The following STX18 variants were observed in gnomAD, a reference collection of about 807,000 sequenced individuals.
The protein encoded by STX18 is syntaxin-18.
A neutral mutation model predicts 50.1 loss-of-function variants in STX18; 40 were observed. The observed-to-expected ratio is 0.80, with a 90% CI of 0.62 to 1.04. The LOEUF (loss-of-function observed/expected upper bound fraction) is 1.04, where lower values mean the gene tolerates loss of function less well. Among genes scored for constraint, STX18 ranks in the 50% least tolerant of loss-of-function variants. STX18 has a pLI of 0.00. For synonymous variants in STX18, 158 were observed against 151.8 expected, an observed-to-expected ratio of 1.04 and a Z score of -0.30; for missense variants, 410 against 415.8, an observed-to-expected ratio of 0.99 and a Z score of 0.12.
intron 5 of STX18, among the ~76,000 whole-genome samples, chr4:4,455,072 TCA>T (rs1444617230): frequency 4.6e-5 from 7 of 152,200 alleles, no homozygotes; most frequent in Non-Finnish European, 8.8e-5. Flanking sequence ...CTGCTCAAAG[TCA>T]CACAGTTTGA....
At chr4:4,460,512 TAA>T (rs893159419) in intron 2 of STX18, among the ~76,000 whole-genome samples, 3 of 151,326 alleles carry the variant, frequency 2.0e-5, no homozygotes, top group Non-Finnish European at 4.4e-5. Flanking sequence ...AAGAAAGGGG[TAA>T]GATGAGCACG....
intron 3 of STX18, 34 bp from the exon 4 acceptor site, chr4:4,457,534 C>T: frequency 3.9e-6 from 6 of 1,531,236 alleles, no homozygotes; most frequent in Non-Finnish European, 5.4e-6. Flanking sequence ...CAGGCCTTCG[C>T]ACTCAATTAT....
intron 1 of STX18, among the ~76,000 whole-genome samples, chr4:4,539,061 G>A (rs993726673): frequency 6.6e-6 from 1 of 152,058 alleles, no homozygotes; most frequent in African/African-American, 2.4e-5. Context: ...GGAAGGTAGG[G>A]ACTGCAATAA....
In STX18 at chr4:4,425,168, C is replaced by G; in HGVS notation, c.757G>C (p.Val253Leu). 1 of 1,614,042 alleles carries G rather than the reference C, an allele frequency of 6.2e-7. No homozygotes were observed. The part of the protein sequence containing the change: ...IGEMNSLFDE[V>L]RQIEGRVVEI... The stretch of plus-strand genomic sequence containing the variant: ...ACAGAGGAGCTACAAACATACCTCA[C>G]TTCATCAAACAAGCTGTTCATTTCA... Residue 253 changes from valine to leucine, a missense_variant, in exon 8 of 11, where the codon GTG (valine) becomes CTG (leucine). Transcript: ENST00000306200.
intron 1 of STX18, among the ~76,000 whole-genome samples, chr4:4,527,867 C>CATATATATAT (rs1553851958): frequency 5.1e-5 from 7 of 137,204 alleles, no homozygotes; most frequent in African/African-American, 1.8e-4. Context: ...CACACACACA[C>CATATATATAT]ATATATATAT....
At chr4:4,486,980 T>C (rs1309455593) in intron 1 of STX18, among the ~76,000 whole-genome samples, 1 of 152,194 alleles carries the variant, frequency 6.6e-6, no homozygotes, top group Admixed American at 6.5e-5. Context: ...ACAAAAGCTA[T>C]GAATCTGATC....
intron 1 of STX18, among the ~76,000 whole-genome samples, chr4:4,502,746 A>T (rs1407943974): frequency 6.6e-6 from 1 of 152,220 alleles, no homozygotes; most frequent in Admixed American, 6.5e-5. Flanking sequence ...TGTGCAGCAC[A>T]TGTAATTTCA....
At chr4:4,474,282 C>T (rs548328553) in intron 1 of STX18, among the ~76,000 whole-genome samples, 1 of 152,242 alleles carries the variant, frequency 6.6e-6, no homozygotes, top group South Asian at 2.1e-4. Flanking sequence ...CTTCACCAGA[C>T]TGCAAACTCT....
chr4:4,424,633 T>C (rs1725150989), intron 8 of STX18, among the ~76,000 whole-genome samples: 4 of 152,330 alleles, frequency 2.6e-5, no homozygotes, highest in Admixed American at 2.0e-4. Flanking sequence ...CAACAGGCTC[T>C]GCAAAGTCCT....
At chr4:4,456,651 C>T (rs948348257) in intron 5 of STX18, among the ~76,000 whole-genome samples, 1 of 152,192 alleles carries the variant, frequency 6.6e-6, no homozygotes, top group East Asian at 1.9e-4. Flanking sequence ...GGGAGGTGTG[C>T]ACTCAGAGCA....
At chr4:4,471,872 C>T (rs1161396901) in intron 1 of STX18, among the ~76,000 whole-genome samples, 166 bp from the exon 2 acceptor site, 8 of 152,198 alleles carry the variant, frequency 5.3e-5, no homozygotes. Flanking sequence ...GTTACCATTC[C>T]TGGGCCTCAG....
intron 2 of STX18, among the ~76,000 whole-genome samples, chr4:4,466,059 G>C (rs1045827527): frequency 3.3e-5 from 5 of 152,218 alleles, no homozygotes; most frequent in African/African-American, 7.2e-5. Flanking sequence ...AAATGTGGTA[G>C]AAGTGATTAC....
chr4:4,466,637 T>C (rs934742400), intron 2 of STX18, among the ~76,000 whole-genome samples: 9 of 152,126 alleles, frequency 5.9e-5, no homozygotes, highest in Non-Finnish European at 1.0e-4. Context: ...TGCATGGGAA[T>C]GGTGCTGCTC....
At chr4:4,510,662 C>T (rs979043405) in intron 1 of STX18, among the ~76,000 whole-genome samples, 1 of 149,576 alleles carries the variant, frequency 6.7e-6, no homozygotes, top group African/African-American at 2.6e-5. Context: ...GGTGTATACC[C>T]AAAGGATTAT....
chr4:4,508,893 G>A (rs1379200289), intron 1 of STX18, among the ~76,000 whole-genome samples: 2 of 152,140 alleles, frequency 1.3e-5, no homozygotes, highest in Non-Finnish European at 1.5e-5. Context: ...GGACATGATC[G>A]TGTTCCTTTT....
intron 1 of STX18, among the ~76,000 whole-genome samples, chr4:4,541,037 A>T (rs1731561631): frequency 6.6e-6 from 1 of 152,208 alleles, no homozygotes; most frequent in Non-Finnish European, 1.5e-5. Context: ...CACAAAAGGG[A>T]ACAAGACAAA....
intron 2 of STX18, among the ~76,000 whole-genome samples, chr4:4,459,792 T>A (rs1209233200): frequency 6.6e-6 from 1 of 152,200 alleles, no homozygotes; most frequent in Non-Finnish European, 1.5e-5. Context: ...TTATAAAGAA[T>A]GTAGGCTCTG....
intron 1 of STX18, among the ~76,000 whole-genome samples, chr4:4,475,086 C>T (rs1311837985): frequency 6.6e-6 from 1 of 152,088 alleles, no homozygotes; most frequent in African/African-American, 2.4e-5. Context: ...TTAGTTAGTT[C>T]TATTCTACAA....
At chr4:4,434,988 T>G (rs1725700889) in intron 6 of STX18, 130 bp from the exon 7 acceptor site, 1 of 660,096 alleles carries the variant, frequency 1.5e-6, no homozygotes, top group Middle Eastern at 4.2e-4. Context: ...TTCATGATCT[T>G]TGGGCTAATA....
Sources: gnomAD v4.1 joint callset for allele counts (sites outside exome capture counted in the v4.1 genomes callset) on GRCh38, gnomAD v4.1.1 for gene constraint, MANE v1.5 for transcripts, NCBI Gene and HGNC (gene_info 2026-07-23, HGNC 2026-07-21) for gene names.